Variants in SEMA6D observed in about 807,000 individuals in gnomAD.
SEMA6D encodes the protein semaphorin 6D.
Under a neutral mutation model 106.6 loss-of-function variants are expected in SEMA6D, and 35 were observed. The observed-to-expected ratio is 0.33, with a 90% confidence interval of 0.25 to 0.44. SEMA6D has a LOEUF of 0.44. Ranked by LOEUF, SEMA6D falls within the 20% of genes least tolerant of loss-of-function variation. The pLI, the probability that SEMA6D is intolerant of heterozygous loss-of-function variation, is 1.00. For synonymous variants in SEMA6D, 499 were observed against 487.7 expected (o/e 1.02, Z -0.31); for missense variants, 1,185 against 1,345.9 (o/e 0.88, Z 1.87).
At chr15:47,233,920 C>T (rs186566670) in intron 1 of SEMA6D, among the ~76,000 whole-genome samples, 2 of 151,974 alleles carry the variant, frequency 1.3e-5, no homozygotes, top group Non-Finnish European at 2.9e-5. Context: ...CTTTTCTTGT[C>T]TTATTGCATT....
In SEMA6D at chr15:47,350,073, A is replaced by C. The variant is rs74934535; in HGVS notation, c.-238-62320A>C. ...TCACTGGAAAAATTTTTGTGTGTGC[A>C]CATATATGTATGTGGTCCCATAAGT... On this transcript the variant is annotated intron_variant, in intron 1 of 19. Coordinates refer to the SEMA6D transcript ENST00000558014. 2.8e-4 allele frequency among the ~76,000 whole-genome samples: 43 copies of C among 152,198 alleles called. No individual in the cohort carries two copies. The East Asian group carries it at 5.6e-3, about 20-fold the overall frequency.
intron 1 of SEMA6D, among the ~76,000 whole-genome samples, chr15:47,273,730 G>A (rs774514094): frequency 1.1e-4 from 17 of 152,190 alleles, no homozygotes; most frequent in Non-Finnish European, 8.8e-5. Context: ...TGTATTAACA[G>A]GGAAAGCTAA....
At chr15:47,596,452 G>A (rs1174180722) in intron 3 of SEMA6D, among the ~76,000 whole-genome samples, 1 of 151,976 alleles carries the variant, frequency 6.6e-6, no homozygotes, top group African/African-American at 2.4e-5. Context: ...ATATAGTATT[G>A]CAAAAGACAC....
intron 3 of SEMA6D, among the ~76,000 whole-genome samples, chr15:47,487,849 A>G (rs1367750180): frequency 1.3e-5 from 2 of 152,060 alleles, no homozygotes; most frequent in Non-Finnish European, 2.9e-5. Context: ...GGTTCTTTCA[A>G]CTTCAATATT....
At chr15:47,644,699 C>A (rs573094059) in intron 4 of SEMA6D, among the ~76,000 whole-genome samples, 1 of 152,188 alleles carries the variant, frequency 6.6e-6, no homozygotes, top group African/African-American at 2.4e-5. Context: ...TCTCAGACTT[C>A]CCCTCCAGAA....
intron 4 of SEMA6D, among the ~76,000 whole-genome samples, chr15:47,617,333 T>G (rs1219152239): frequency 1.3e-5 from 2 of 152,186 alleles, no homozygotes; most frequent in African/African-American, 4.8e-5. Flanking sequence ...TTAGCGAGAC[T>G]AAGGGGACTA....
At chr15:47,230,095 G>C (rs2141553818) in intron 1 of SEMA6D, among the ~76,000 whole-genome samples, 1 of 151,944 alleles carries the variant, frequency 6.6e-6, no homozygotes. Context: ...TTTTACTTCA[G>C]GCCTCTCTTA....
chr15:47,460,477 T>C (rs1343328447), intron 2 of SEMA6D, among the ~76,000 whole-genome samples: 1 of 152,152 alleles, frequency 6.6e-6, no homozygotes, highest in South Asian at 2.1e-4. Flanking sequence ...CTCAATGTGC[T>C]TTGAAAGCAC....
intron 1 of SEMA6D, among the ~76,000 whole-genome samples, chr15:47,389,034 G>C (rs187099838): frequency 2.4e-4 from 37 of 152,112 alleles, no homozygotes; most frequent in Admixed American, 1.9e-3. Flanking sequence ...TTTTTCTGCG[G>C]GTCCAAATAA....
chr15:47,209,118 A>G (rs538785104), intron 1 of SEMA6D, among the ~76,000 whole-genome samples: 66 of 152,352 alleles, frequency 4.3e-4, no homozygotes, highest in African/African-American at 1.5e-3. Context: ...TTTCAAAAGT[A>G]TCAACTATAT....
chr15:47,551,188 C>T lies in SEMA6D; in HGVS notation c.-86-49677C>T, dbSNP rs576565137. ...ATGAGATGAGTTGCTGGCTCTGATCCATTCTCTCATGATTAGATGACCACA... is the reference window on the plus strand; with the variant it reads ...ATGAGATGAGTTGCTGGCTCTGATCTATTCTCTCATGATTAGATGACCACA... On this transcript the variant is annotated intron_variant, in intron 3 of 19. Transcript: ENST00000558014. Among the ~76,000 whole-genome samples the T allele has an allele frequency of 9.2e-5, 14 of 152,230 alleles. No individual in the cohort carries two copies. In the East Asian group the frequency reaches 2.5e-3, roughly 27 times the overall value.
intron 1 of SEMA6D, among the ~76,000 whole-genome samples, chr15:47,352,601 G>A (rs1363894537): frequency 6.6e-6 from 1 of 152,168 alleles, no homozygotes; most frequent in Non-Finnish European, 1.5e-5. Flanking sequence ...ATCAATTATC[G>A]TAATTATTCT....
intron 1 of SEMA6D, among the ~76,000 whole-genome samples, chr15:47,209,398 A>G (rs895606954): frequency 2.6e-5 from 4 of 152,190 alleles, no homozygotes; most frequent in Non-Finnish European, 5.9e-5. Flanking sequence ...CAAAGAGTAC[A>G]GTTTTGCAAA....
intron 1 of SEMA6D, among the ~76,000 whole-genome samples, chr15:47,746,659 G>T (rs1440952639): frequency 6.6e-6 from 1 of 152,184 alleles, no homozygotes; most frequent in African/African-American, 2.4e-5. Flanking sequence ...ATCCTGAACA[G>T]AAAGTCACAT....
intron 1 of SEMA6D, among the ~76,000 whole-genome samples, chr15:47,756,329 A>T (rs2081733838): frequency 1.3e-5 from 2 of 151,658 alleles, no homozygotes; most frequent in South Asian, 4.2e-4. Context: ...GAAGGAATGA[A>T]CATTGCTTTT....
intron 1 of SEMA6D, among the ~76,000 whole-genome samples, chr15:47,201,928 T>G (rs1459328155): frequency 1.3e-5 from 2 of 152,074 alleles, no homozygotes; most frequent in African/African-American, 4.8e-5. Context: ...ATAAAAAACC[T>G]CTGCTGGCTT....
chr15:47,500,367 G>A (rs1596164676), intron 3 of SEMA6D, among the ~76,000 whole-genome samples: 1 of 151,952 alleles, frequency 6.6e-6, no homozygotes, highest in Non-Finnish European at 1.5e-5. Context: ...GTATATTTCT[G>A]TGGCCAATAA....
At chr15:47,360,741 A>G in intron 1 of SEMA6D, among the ~76,000 whole-genome samples, 1 of 152,354 alleles carries the variant, frequency 6.6e-6, no homozygotes, top group Non-Finnish European at 1.5e-5. Context: ...ACCTCCACTG[A>G]TTAATTAAAT....
intron 4 of SEMA6D, among the ~76,000 whole-genome samples, chr15:47,689,707 A>G (rs984895214): frequency 6.6e-6 from 1 of 152,152 alleles, no homozygotes; most frequent in Admixed American, 6.5e-5. Flanking sequence ...CCCTGCCACC[A>G]CCTTCAGATG....
Sources: allele counts gnomAD v4.1 joint callset (sites outside exome capture counted in the v4.1 genomes callset), GRCh38; gene constraint gnomAD v4.1.1; transcripts MANE v1.5; gene names NCBI Gene and HGNC (gene_info 2026-07-23, HGNC 2026-07-21).